DMRT3: variants seen among roughly 807,000 people sequenced by gnomAD.
DMRT3 encodes the protein doublesex- and mab-3-related transcription factor 3.
A neutral mutation model predicts 34.9 loss-of-function variants in DMRT3; 29 were observed. The ratio of observed to expected loss-of-function variants is 0.83; its 90% CI spans 0.62 to 1.13. DMRT3 has a LOEUF of 1.13. Ranked by LOEUF, DMRT3 falls within the 50% of genes most tolerant of loss-of-function variation. The pLI is 0.00. For missense variants in DMRT3, 772 were observed against 629.1 expected (o/e 1.23, Z -2.43); for synonymous variants, 350 against 286.0 (o/e 1.22, Z -2.26).
At chr9:983,189 T>A (rs758317504) in intron 1 of DMRT3, among the ~76,000 whole-genome samples, 4 of 152,146 alleles carry the variant, frequency 2.6e-5, no homozygotes, top group Non-Finnish European at 4.4e-5. Context: ...GTAACAATAA[T>A]AATAATGAAA....
chr9:981,803 C>G (rs973663405), intron 1 of DMRT3, among the ~76,000 whole-genome samples: 18 of 152,142 alleles, frequency 1.2e-4, no homozygotes, highest in African/African-American at 4.1e-4. Flanking sequence ...TGCAGCTGAG[C>G]CCAGCTTCTC....
At position 976,961 on chromosome 9, in the gene DMRT3, C is replaced by T. The variant is rs1188270495; in HGVS notation, c.-41C>T. 21 of 1,430,560 alleles carry T rather than the reference C, an allele frequency of 1.5e-5. No homozygotes were observed. The East Asian group carries it at 5.3e-4, about 36-fold the overall frequency. 88.6% of individuals were successfully genotyped at this position (1,430,560 alleles called of 1,614,324 possible). A position where few individuals can be genotyped will look rare whatever the true frequency, so the allele number is the denominator to read the frequency against. On this transcript the variant is annotated 5_prime_UTR_variant, in exon 1 of 2. Coordinates refer to ENST00000190165, the MANE Select transcript of DMRT3 (RefSeq NM_021240.4). The surrounding 1 kb of genome is among the most constrained non-coding windows in gnomAD (Gnocchi z 4.5). ...CCGCCGTCCAGCGCTCCCTGGCCCT[C>T]TCCCGCAGCCAGGCTGCCAACTCAT... is the stretch of plus-strand genomic sequence containing the variant.
rs1168664835 is a variant in DMRT3 at position 977,348 on chromosome 9, C to T, written c.347C>T (p.Ser116Leu). 20 of 1,237,444 alleles carry T rather than the reference C, an allele frequency of 1.6e-5. No homozygotes were observed. Among genetic ancestry groups the T allele is most frequent in the South Asian group, 3.7e-5 (1 of 27,036 alleles). The allele number at this position is 1,237,444 out of a possible 1,614,324, so 76.7% of individuals were successfully genotyped here. ...APQPPPASQP[S>L]QPQPPRPAAE... is the part of the protein sequence containing the mutation. ...CAGCCGCCGCCAGCCTCTCAGCCGT[C>T]GCAGCCGCAGCCGCCGCGCCCTGCT... is the stretch of plus-strand genomic sequence containing the variant. The change falls in exon 1 of 2, where the codon TCG (serine) becomes TTG (leucine). Residue 116 changes from serine to leucine, a missense_variant. Coordinates refer to ENST00000190165, the MANE Select transcript of DMRT3 (RefSeq NM_021240.4).
chr9:981,201 C>A (rs1355887482), intron 1 of DMRT3, among the ~76,000 whole-genome samples: 1 of 152,044 alleles, frequency 6.6e-6, no homozygotes, highest in Non-Finnish European at 1.5e-5. Flanking sequence ...CTCCTAGCAT[C>A]TTTATGCTTG....
At chr9:979,129 T>G (rs1820186508) in intron 1 of DMRT3, among the ~76,000 whole-genome samples, 1 of 152,174 alleles carries the variant, frequency 6.6e-6, no homozygotes, top group Non-Finnish European at 1.5e-5. Context: ...GATCGGGCAT[T>G]GGGTTCTGTG....
At position 991,139 on chromosome 9, in the gene DMRT3, T is replaced by G; in HGVS notation, c.*134T>G. 1 of 1,199,078 alleles carries G rather than the reference T, an allele frequency of 8.3e-7. No individual in the cohort carries two copies. Among genetic ancestry groups the G allele is most frequent in the Non-Finnish European group, 1.2e-6 (1 of 863,316 alleles). 74.3% of individuals were successfully genotyped at this position (1,199,078 alleles called of 1,614,324 possible). Reference sequence around the variant, plus strand: ...AGTGACTGTGCTTGATTCTATACATTAGCAATAAAAACATAACTTATTTAA... The same window carrying G: ...AGTGACTGTGCTTGATTCTATACATGAGCAATAAAAACATAACTTATTTAA... On this transcript the variant is annotated 3_prime_UTR_variant, in exon 2 of 2. Transcript: ENST00000190165.
At chr9:981,107 G>A (rs950380471) in intron 1 of DMRT3, among the ~76,000 whole-genome samples, 5 of 152,084 alleles carry the variant, frequency 3.3e-5, no homozygotes, top group East Asian at 1.9e-4. Context: ...GGGTGGGGGC[G>A]GAGCAAACAA....
chr9:983,638 G>A (rs1462945812), intron 1 of DMRT3, among the ~76,000 whole-genome samples: 4 of 152,244 alleles, frequency 2.6e-5, no homozygotes, highest in African/African-American at 7.2e-5. Context: ...TTAGACAGGT[G>A]CATTTTGGAA....
chr9:985,241 T>C (rs887897958), intron 1 of DMRT3, among the ~76,000 whole-genome samples: 1 of 152,228 alleles, frequency 6.6e-6, no homozygotes, highest in Non-Finnish European at 1.5e-5. Flanking sequence ...ATTTGTCATA[T>C]TCGATAAAAT....
intron 1 of DMRT3, among the ~76,000 whole-genome samples, chr9:985,930 G>C (rs918101903): frequency 2.6e-5 from 4 of 152,200 alleles, no homozygotes; most frequent in African/African-American, 4.8e-5. Context: ...GCTGAGCTCA[G>C]CTGGTTGGTT....
chr9:978,929 G>A (rs1253729127), intron 1 of DMRT3, among the ~76,000 whole-genome samples: 2 of 152,126 alleles, frequency 1.3e-5, no homozygotes, highest in Non-Finnish European at 2.9e-5. Flanking sequence ...AGGAGAAAAA[G>A]GTTTTATTAT....
chr9:981,660 G>A (rs1820222680), intron 1 of DMRT3, among the ~76,000 whole-genome samples: 1 of 152,146 alleles, frequency 6.6e-6, no homozygotes, highest in Admixed American at 6.5e-5. Flanking sequence ...TGTGTGTGTT[G>A]CGGAGGGTTG....
chr9:980,900 C>A (rs1264771683), intron 1 of DMRT3, among the ~76,000 whole-genome samples: 1 of 152,170 alleles, frequency 6.6e-6, no homozygotes, highest in East Asian at 1.9e-4. Context: ...TCCTCGGACA[C>A]CTTAGACTGT....
In DMRT3 at chr9:990,603, G is replaced by A. The variant is rs201842933; in HGVS notation, c.1017G>A (p.Thr339=). The A allele has an allele frequency of 8.1e-6, 13 of 1,614,116 alleles. No individual in the cohort carries two copies. Among genetic ancestry groups the A allele is most frequent in the East Asian group, 2.2e-5 (1 of 44,856 alleles). ...SVGSAFRVPD[T]LRFSADSSNV... Reference sequence around the variant, plus strand: ...GATCAGCCTTTCGAGTCCCAGACACGTTGAGGTTTTCTGCCGACTCTAGCA... The same window carrying A: ...GATCAGCCTTTCGAGTCCCAGACACATTGAGGTTTTCTGCCGACTCTAGCA... Residue 339 remains threonine, a synonymous_variant, in exon 2 of 2, where the codon ACG becomes ACA. Transcript: ENST00000190165.
At chr9:988,133 C>A (rs1820307826) in intron 1 of DMRT3, among the ~76,000 whole-genome samples, 1 of 152,092 alleles carries the variant, frequency 6.6e-6, no homozygotes, top group African/African-American at 2.4e-5. Context: ...TGTCAAATTT[C>A]TCTTACAAAA....
intron 1 of DMRT3, among the ~76,000 whole-genome samples, chr9:979,153 G>C (rs1391476000): frequency 6.6e-6 from 1 of 152,166 alleles, no homozygotes; most frequent in Non-Finnish European, 1.5e-5. Flanking sequence ...TTTATCCAAG[G>C]AGATGCCTTT....
At chr9:983,479 T>G (rs1197616597) in intron 1 of DMRT3, among the ~76,000 whole-genome samples, 1 of 152,204 alleles carries the variant, frequency 6.6e-6, no homozygotes, top group Non-Finnish European at 1.5e-5. Flanking sequence ...TGCAGCTTAC[T>G]TGGAATTTTG....
intron 1 of DMRT3, among the ~76,000 whole-genome samples, chr9:984,456 C>T (rs905531490): frequency 5.2e-5 from 7 of 134,248 alleles, no homozygotes; most frequent in African/African-American, 1.4e-4. Flanking sequence ...AAAGATTTTT[C>T]ACATTTTTTT....
At chr9:977,494 G>T (rs899043533) in intron 1 of DMRT3, 39 bp downstream of exon 1, 1 of 1,262,066 alleles carries the variant, frequency 7.9e-7, no homozygotes. Flanking sequence ...GCCGGGCGCG[G>T]GGGCAACTTC....
Sources: gnomAD v4.1 joint callset for allele counts (sites outside exome capture counted in the v4.1 genomes callset) on GRCh38, gnomAD v4.1.1 for gene constraint, Gnocchi (gnomAD v3.1) non-coding constraint, MANE v1.5 for transcripts, NCBI Gene and HGNC (gene_info 2026-07-23, HGNC 2026-07-21) for gene names.